CHL1: variants seen among roughly 807,000 people sequenced by gnomAD.
CHL1 encodes the protein cell adhesion molecule L1 like, also known as neural cell adhesion molecule L1-like protein.
CHL1 carries 96 observed loss-of-function variants against 141.9 expected under a neutral mutation model. That is an observed-to-expected ratio of 0.68 (90% confidence interval 0.57 to 0.80). The LOEUF is 0.80. Ranked by LOEUF, CHL1 falls within the 30% of genes least tolerant of loss-of-function variation. CHL1 has a pLI of 0.00. For missense variants in CHL1, 1,820 were observed against 1,457.2 expected, an observed-to-expected ratio of 1.25 and a Z score of -4.05; for synonymous variants, 613 against 502.2, an observed-to-expected ratio of 1.22 and a Z score of -2.95.
At chr3:342,474 A>G (rs542680293) in intron 7 of CHL1, among the ~76,000 whole-genome samples, 13 of 152,310 alleles carry the variant, frequency 8.5e-5, no homozygotes, top group Non-Finnish European at 1.8e-4. Flanking sequence ...GGAAATTTGT[A>G]TCACCAAACT....
Position 340,281 on chromosome 3 carries a change from G to T in CHL1, c.386-513G>T, listed in dbSNP as rs768219533. 5.9e-5 allele frequency among the ~76,000 whole-genome samples: 9 copies of T among 152,204 alleles called. No homozygotes were observed. The East Asian group carries it at 1.7e-3, about 29-fold the overall frequency. Reference sequence around the variant, plus strand: ...TTGCAACTTAAAGTGGTCAAATTTGGCTTTCCATTGCATTCTTACCATTTT... The same window carrying T: ...TTGCAACTTAAAGTGGTCAAATTTGTCTTTCCATTGCATTCTTACCATTTT... On this transcript the variant is annotated intron_variant, in intron 5 of 27. Coordinates refer to ENST00000256509, the MANE Select transcript of CHL1 (RefSeq NM_006614.4).
intron 11 of CHL1, among the ~76,000 whole-genome samples, chr3:357,737 T>C (rs1703844322): frequency 6.6e-6 from 1 of 152,234 alleles, no homozygotes; most frequent in South Asian, 2.1e-4. Flanking sequence ...TCCATACCCA[T>C]GCCAACAGGC....
chr3:344,416 T>A (rs899620917), intron 8 of CHL1, among the ~76,000 whole-genome samples, 173 bp from the exon 9 acceptor site: 3 of 151,744 alleles, frequency 2.0e-5, no homozygotes, highest in African/African-American at 7.3e-5. Context: ...TGCTTCATGG[T>A]AAGAGAGAAG....
intron 24 of CHL1, among the ~76,000 whole-genome samples, chr3:396,418 G>T (rs1708672039): frequency 6.6e-6 from 1 of 152,150 alleles, no homozygotes; most frequent in Non-Finnish European, 1.5e-5. Flanking sequence ...GTGAAATGCT[G>T]ATCCCATTCT....
intron 1 of CHL1, among the ~76,000 whole-genome samples, chr3:235,061 AG>A (rs1008857125): frequency 3.3e-5 from 5 of 151,916 alleles, no homozygotes; most frequent in Admixed American, 2.0e-4. Context: ...TGTGCAGGTT[AG>A]TTACATATGT....
At chr3:249,618 C>A (rs371391832) in intron 2 of CHL1, among the ~76,000 whole-genome samples, 54 of 152,228 alleles carry the variant, frequency 3.5e-4, no homozygotes, top group African/African-American at 1.3e-3. Context: ...CCTTTTGCTG[C>A]AGTTGCTTCC....
At chr3:197,617 CT>C in intron 1 of CHL1, 1 of 356,756 alleles carries the variant, frequency 2.8e-6, no homozygotes. Flanking sequence ...GGAGAGGATT[CT>C]AGATCCCAGC....
At chr3:397,593 T>C (rs1420000214) in intron 24 of CHL1, among the ~76,000 whole-genome samples, 1 of 152,124 alleles carries the variant, frequency 6.6e-6, no homozygotes, top group Non-Finnish European at 1.5e-5. Flanking sequence ...CTTGATTCAT[T>C]TTATCTTCTA....
chr3:229,480 C>T (rs1701673312), intron 1 of CHL1, among the ~76,000 whole-genome samples: 1 of 152,194 alleles, frequency 6.6e-6, no homozygotes, highest in Non-Finnish European at 1.5e-5. Context: ...GACAATACTA[C>T]ATTCCTCAAA....
At chr3:301,071 C>T (rs551641525) in intron 2 of CHL1, among the ~76,000 whole-genome samples, 1 of 152,202 alleles carries the variant, frequency 6.6e-6, no homozygotes, top group African/African-American at 2.4e-5. Context: ...AATGACATGC[C>T]ATTGAAGGTT....
chr3:339,068 T>C (rs1162524682), intron 5 of CHL1, among the ~76,000 whole-genome samples: 2 of 152,228 alleles, frequency 1.3e-5, no homozygotes, highest in Non-Finnish European at 2.9e-5. Context: ...TTCTAATCCA[T>C]ATTTTATTTC....
At chr3:356,617 A>T (rs1159624573) in intron 11 of CHL1, among the ~76,000 whole-genome samples, 1 of 152,180 alleles carries the variant, frequency 6.6e-6, no homozygotes, top group Non-Finnish European at 1.5e-5. Flanking sequence ...TAAGATCATA[A>T]TAGTAAGACC....
In CHL1 at chr3:328,482, T is replaced by G. The variant is rs1292333910; in HGVS notation, c.385+128T>G. 5.5e-6 allele frequency: 4 copies of G among 729,712 alleles called. No individual in the cohort carries two copies. In the Admixed American group the frequency reaches 1.1e-4, roughly 20 times the overall value. The allele number at this position is 729,712 out of a possible 1,614,324, so 45.2% of individuals were successfully genotyped here. On this transcript the variant is annotated intron_variant, in intron 5 of 27. Coordinates refer to ENST00000256509, the MANE Select transcript of CHL1 (RefSeq NM_006614.4). Reference sequence around the variant, plus strand: ...AACTTATATGTGTCTTGTATTTTATTTATAAGGAAAAATTTCCTCCAGGTC... The same window carrying G: ...AACTTATATGTGTCTTGTATTTTATGTATAAGGAAAAATTTCCTCCAGGTC...
intron 1 of CHL1, among the ~76,000 whole-genome samples, chr3:210,190 G>A (rs144595719): frequency 6.6e-6 from 1 of 152,230 alleles, no homozygotes; most frequent in East Asian, 1.9e-4. Flanking sequence ...TCTGAATGTA[G>A]CAAAGTAACA....
intron 1 of CHL1, among the ~76,000 whole-genome samples, chr3:243,241 G>A (rs560646308): frequency 1.1e-3 from 173 of 152,228 alleles, no homozygotes; most frequent in Admixed American, 2.3e-3. Context: ...AGAGACTGTC[G>A]TAACACACAT....
chr3:408,095 A>T lies in CHL1; in HGVS notation c.*2384A>T, dbSNP rs192926540. The T allele has an allele frequency of 6.6e-6, 1 of 152,298 alleles. No homozygotes were observed. Among genetic ancestry groups the T allele is most frequent in the Admixed American group, 6.5e-5 (1 of 15,278 alleles). 9.4% of individuals were successfully genotyped at this position (152,298 alleles called of 1,614,324 possible). On this transcript the variant is annotated 3_prime_UTR_variant, in exon 28 of 28. Coordinates refer to ENST00000256509, the MANE Select transcript of CHL1 (RefSeq NM_006614.4). ...AATCAGAATAACCTTCAAATAAAAT[A>T]AATCTAAGTCGGTTAAAATGGATTT... is the stretch of plus-strand genomic sequence containing the variant.
chr3:224,798 T>C (rs779706430), intron 1 of CHL1, among the ~76,000 whole-genome samples: 5 of 152,208 alleles, frequency 3.3e-5, no homozygotes, highest in Non-Finnish European at 7.3e-5. Flanking sequence ...GTTGGCTACA[T>C]CAAATTGAGG....
intron 2 of CHL1, among the ~76,000 whole-genome samples, chr3:277,613 GA>G (rs897884432): frequency 7.3e-5 from 11 of 151,720 alleles, no homozygotes; most frequent in South Asian, 4.1e-4. Flanking sequence ...CCTTATACTG[GA>G]AAAAAATGCA....
intron 2 of CHL1, among the ~76,000 whole-genome samples, chr3:283,458 G>A (rs1696840155): frequency 6.6e-6 from 1 of 152,164 alleles, no homozygotes; most frequent in African/African-American, 2.4e-5. Flanking sequence ...TATCTATGAA[G>A]TACTTATTCA....
Sources: allele counts gnomAD v4.1 joint callset (sites outside exome capture counted in the v4.1 genomes callset), GRCh38; gene constraint gnomAD v4.1.1; transcripts MANE v1.5; gene names NCBI Gene and HGNC (gene_info 2026-07-23, HGNC 2026-07-21).